The following DST variants were observed in gnomAD, a reference collection of about 807,000 sequenced individuals.
DST encodes bullous pemphigoid antigen.
Under a neutral mutation model 875.2 loss-of-function variants are expected in DST, and 253 were observed. The ratio of observed to expected loss-of-function variants is 0.29; its 90% confidence interval spans 0.26 to 0.32. The LOEUF (loss-of-function observed/expected upper bound fraction) is 0.32, where lower values mean the gene tolerates loss of function less well. Among genes scored for constraint, DST ranks in the 10% least tolerant of loss-of-function variants. The probability of loss-of-function intolerance (pLI) is 1.00; values close to 1 mark genes in which losing one functional copy is unlikely to be tolerated. For synonymous variants in DST, 3,124 were observed against 3,197.1 expected, an observed-to-expected ratio of 0.98 and a Z score of 0.77; for missense variants, 8,287 against 9,111.6, an observed-to-expected ratio of 0.91 and a Z score of 3.68.
intron 13 of DST, among the ~76,000 whole-genome samples, chr6:56,647,529 A>G (rs1587718693): frequency 6.6e-6 from 1 of 152,326 alleles, no homozygotes; most frequent in East Asian, 1.9e-4. Context: ...GATCATGAAA[A>G]TAAAGCTTAC....
At chr6:56,767,548 C>T (rs1359413652) in intron 4 of DST, among the ~76,000 whole-genome samples, 10 of 151,878 alleles carry the variant, frequency 6.6e-5, no homozygotes, top group African/African-American at 2.2e-4. Context: ...ACCCAAGAGG[C>T]GGAAGTTGCA....
rs2098674123 is a variant in DST at position 56,620,079 on chromosome 6, C to G, written c.4929+4451G>C. 3.1e-6 allele frequency: 5 copies of G among 1,613,524 alleles called. No homozygotes were observed. The highest frequency in any genetic ancestry group is 3.4e-6 in the Non-Finnish European group (4 of 1,180,020). Reference sequence around the variant, plus strand: ...TGAATTTCAGTTATTTTTCTTCTTGCTTCCAATTCAATTTTCTGCTTTTCT... The same window carrying G: ...TGAATTTCAGTTATTTTTCTTCTTGGTTCCAATTCAATTTTCTGCTTTTCT... On this transcript the variant is annotated intron_variant, in intron 36 of 103. Transcript: ENST00000680361.
rs114420958 is a variant in DST at position 56,617,707 on chromosome 6, C to T, written c.4930-3223G>A. On this transcript the variant is annotated intron_variant, in intron 36 of 103. Coordinates refer to ENST00000680361, the MANE Select transcript of DST (RefSeq NM_001374736.1). ...AAAGCTAACTGCTTGGTTCTTCTAG[C>T]TTTTTTGATACTCACATTTTTCAGA... Among the ~76,000 whole-genome samples the T allele has an allele frequency of 0.01, 1,536 of 152,182 alleles. 26 individuals are homozygous for T. The highest frequency in any genetic ancestry group is 0.035 in the African/African-American group (1,438 of 41,518).
chr6:56,844,798 G>A (rs1199047094), intron 4 of DST, among the ~76,000 whole-genome samples: 1 of 151,830 alleles, frequency 6.6e-6, no homozygotes, highest in Non-Finnish European at 1.5e-5. Context: ...CTTGAACCCG[G>A]GAGGTGGAGG....
At position 56,741,637 on chromosome 6, in the gene DST, T is replaced by C. The variant is rs541979373; in HGVS notation, c.626-6348A>G. ...TACACATTATTTCAAAAGGGAGTTA[T>C]TTCAAAAGGGAGTATTCCAGATTAC... is the stretch of plus-strand genomic sequence containing the variant. On this transcript the variant is annotated intron_variant, in intron 4 of 103. Transcript: ENST00000680361. 4.6e-5 allele frequency among the ~76,000 whole-genome samples: 7 copies of C among 152,208 alleles called. No homozygotes were observed. The South Asian group carries it at 1.4e-3, about 31-fold the overall frequency.
intron 85 of DST, among the ~76,000 whole-genome samples, chr6:56,491,866 T>C (rs1482819304): frequency 1.3e-5 from 2 of 152,160 alleles, no homozygotes; most frequent in East Asian, 3.9e-4. Context: ...CAATGAAGTA[T>C]GATGTCTCAC....
chr6:56,592,404 T>C (rs763079857), intron 48 of DST, 46 bp from the exon 49 acceptor site: 37 of 1,414,746 alleles, frequency 2.6e-5, no homozygotes, highest in Non-Finnish European at 3.6e-5. Flanking sequence ...AACCCACTAT[T>C]TTCATATGCA....
chr6:56,888,227 C>T (rs997066763), intron 3 of DST, among the ~76,000 whole-genome samples: 9 of 151,994 alleles, frequency 5.9e-5, no homozygotes, highest in Admixed American at 3.9e-4. Flanking sequence ...GGATTACAGA[C>T]GTGAACCACC....
chr6:56,699,840 A>T lies in DST; in HGVS notation c.955-95T>A, dbSNP rs1389687860. ...TAAAAGCAATTCTAAAATTATACAA[A>T]GAAAAAATGGAATAATTTAAACACC... On this transcript the variant is annotated intron_variant, in intron 8 of 103. Coordinates refer to ENST00000680361, the MANE Select transcript of DST (RefSeq NM_001374736.1). The T allele has an allele frequency of 7.3e-6, 4 of 548,416 alleles. 1 individual carries two copies. Among genetic ancestry groups the T allele is most frequent in the Non-Finnish European group, 1.2e-5 (4 of 322,426 alleles). The allele number at this position is 548,416 out of a possible 1,614,324, so 34.0% of individuals were successfully genotyped here.
intron 49 of DST, among the ~76,000 whole-genome samples, chr6:56,585,185 G>T (rs2098120979): frequency 6.6e-6 from 1 of 151,650 alleles, no homozygotes; most frequent in Non-Finnish European, 1.5e-5. Context: ...GTTCCTCCTT[G>T]TACCTCTGGT....
intron 2 of DST, among the ~76,000 whole-genome samples, chr6:56,930,753 A>C (rs76701065): frequency 0.051 from 7,751 of 152,270 alleles, 337 homozygotes; most frequent in East Asian, 0.16. Flanking sequence ...CATTTATATA[A>C]GAAAGATATG....
chr6:56,565,891 G>T (rs1210911158), intron 55 of DST, among the ~76,000 whole-genome samples: 2 of 152,202 alleles, frequency 1.3e-5, no homozygotes, highest in Non-Finnish European at 2.9e-5. Flanking sequence ...GAGATGTCCT[G>T]CCCAAAGAGG....
chr6:56,825,232 G>A (rs1222931430), intron 4 of DST, among the ~76,000 whole-genome samples: 1 of 148,978 alleles, frequency 6.7e-6, no homozygotes, highest in Non-Finnish European at 1.5e-5. Context: ...CATGTGCTGT[G>A]TCCACTCAGG....
rs1289143144 is a variant in DST, at chr6:56,598,590, T to C, written c.11814A>G (p.Glu3938=). The C allele has an allele frequency of 1.2e-6, 2 of 1,612,616 alleles. No homozygotes were observed. Among genetic ancestry groups the C allele is most frequent in the Non-Finnish European group, 1.7e-6 (2 of 1,179,104 alleles). The part of the protein sequence containing the change: ...KLSQEDKALI[E]QKLNEAKIKC... ...TTATCTTAGCTTCATTAAGTTTCTG[T>C]TCAATCAAAGCCTTATCTTCCTGTG... is the stretch of plus-strand genomic sequence containing the variant. Residue 3938 remains glutamate, a synonymous_variant, in exon 46 of 104, where the codon GAA becomes GAG. Transcript: ENST00000680361.
intron 2 of DST, among the ~76,000 whole-genome samples, chr6:56,909,407 G>A (rs2127713459): frequency 6.6e-6 from 1 of 152,178 alleles, no homozygotes; most frequent in South Asian, 2.1e-4. Context: ...ACTTCTCCAT[G>A]CTCTTCTCCT....
chr6:56,938,108 C>CTCTCTCTCTCTCTCTCTATA (rs1383243392), intron 2 of DST, among the ~76,000 whole-genome samples: 17 of 120,754 alleles, frequency 1.4e-4, no homozygotes, highest in African/African-American at 5.2e-4. Context: ...CTCTCTCTCT[C>CTCTCTCTCTCTCTCTCTATA]TATATATATA....
intron 3 of DST, 143 bp from the exon 4 acceptor site, chr6:56,851,747 G>A (rs2127578481): frequency 6.4e-7 from 1 of 1,551,776 alleles, no homozygotes; most frequent in South Asian, 1.2e-5. Context: ...TCGGAGCTGA[G>A]GGAATATGCA....
At chr6:56,565,149 A>G (rs1291079146) in intron 55 of DST, among the ~76,000 whole-genome samples, 1 of 120,104 alleles carries the variant, frequency 8.3e-6, no homozygotes, top group African/African-American at 3.3e-5. Flanking sequence ...GTGACGGAGT[A>G]TTGCTCTGTC....
chr6:56,632,950 A>T lies in DST; in HGVS notation c.3709T>A (p.Ser1237Thr), dbSNP rs763186590. 1.2e-6 allele frequency: 2 copies of T among 1,613,808 alleles called. No individual in the cohort carries two copies. Among genetic ancestry groups the T allele is most frequent in the African/African-American group, 1.3e-5 (1 of 74,922 alleles). Residue 1237 changes from serine (S) to threonine (T), a missense_variant, in exon 28 of 104, where the codon TCC becomes ACC. Around this residue, in one of 10 missense-constraint regions of DST, gnomAD observed 3,138 missense variants for 3,116.6 expected, o/e 1.01. Transcript: ENST00000680361. ...ATATCTGAGCCTGAAAAGACTTGGG[A>T]TTCCTGGCTATCTTCCAGAAAATCT... ...FEDFLEDSQE[S>T]QVFSGSDITQ...
Sources: gnomAD v4.1 joint callset for allele counts (sites outside exome capture counted in the v4.1 genomes callset) on GRCh38, gnomAD v4.1.1 for gene constraint, gnomAD v4.1.1 regional missense constraint, MANE v1.5 for transcripts, NCBI Gene and HGNC (gene_info 2026-07-23, HGNC 2026-07-21) for gene names.